UVSSA: variants seen among roughly 807,000 people sequenced by gnomAD.
UVSSA encodes UV-stimulated scaffold protein A.
UVSSA carries 72 observed loss-of-function variants against 73.9 expected under a neutral mutation model. The observed-to-expected ratio is 0.97, with a 90% CI of 0.81 to 1.19. The LOEUF is 1.19. UVSSA is among the 50% of genes most tolerant of loss of function. The pLI, the probability that UVSSA is intolerant of heterozygous loss-of-function variation, is 0.00. For missense variants in UVSSA, 1,150 were observed against 965.0 expected (o/e 1.19, Z -2.54); for synonymous variants, 454 against 391.3 (o/e 1.16, Z -1.89).
intron 10 of UVSSA, among the ~76,000 whole-genome samples, chr4:1,377,417 C>G (rs1718909369): frequency 6.6e-6 from 1 of 152,180 alleles, no homozygotes; most frequent in Non-Finnish European, 1.5e-5. Flanking sequence ...GACACCGCCC[C>G]TAGTGGGGGC....
rs368013808 is a variant in UVSSA at position 1,365,811 on chromosome 4, C to T, written c.1177-509C>T. On this transcript the variant is annotated intron_variant, in intron 7 of 13. Transcript: ENST00000389851. ...GTGGGAAGATAACTCACCTAAGCCC[C>T]GGGGGCACCGCAGACGCACCTGCTC... Among the ~76,000 whole-genome samples, 98 of 152,132 alleles carry T rather than the reference C, an allele frequency of 6.4e-4. 4 individuals are homozygous for T. In the South Asian group the frequency reaches 0.015, roughly 24 times the overall value.
upstream of UVSSA, among the ~76,000 whole-genome samples, chr4:1,346,808 CG>C (rs1358997998): frequency 1.3e-5 from 2 of 152,164 alleles, no homozygotes; most frequent in African/African-American, 4.8e-5. Flanking sequence ...GTTTCCCGGC[CG>C]GCCCCGCCCC....
At chr4:1,391,549 C>T (rs1210205069), downstream of UVSSA, 1 of 151,838 alleles carries the variant, frequency 6.6e-6, no homozygotes. Flanking sequence ...CCTTCTTTGT[C>T]TTTAGTGAAA....
Position 1,383,794 on chromosome 4 carries a change from C to A in UVSSA, c.1890C>A (p.Asp630Glu). 1 of 1,613,476 alleles carries A rather than the reference C, an allele frequency of 6.2e-7. No individual in the cohort carries two copies. Among genetic ancestry groups the A allele is most frequent in the South Asian group, 1.1e-5 (1 of 91,084 alleles). The change falls in exon 13 of 14, where the codon GAC becomes GAA. Residue 630 changes from aspartate (D) to glutamate (E), a missense_variant. Asp to Glu is a conservative substitution (Grantham distance 45). Transcript: ENST00000389851. ...PEWQDPELMR[D>E]VEAATGQDLG... ...GGCAGGACCCTGAGTTGATGAGAGA[C>A]GTGGAAGCAGCCACAGGGCAGGATC... is the stretch of plus-strand genomic sequence containing the variant.
intron 7 of UVSSA, among the ~76,000 whole-genome samples, chr4:1,363,294 AAGAAC>A (rs1716897364): frequency 1.3e-5 from 2 of 152,260 alleles, no homozygotes; most frequent in South Asian, 4.1e-4. Flanking sequence ...GCGCTGATTT[AAGAAC>A]AAAGGGGAAC....
chr4:1,355,294 G>A, intron 7 of UVSSA, 49 bp downstream of exon 7: 1 of 1,538,716 alleles, frequency 6.5e-7, no homozygotes, highest in Non-Finnish European at 8.8e-7. Context: ...GCCTCAGTGG[G>A]GGAGGAGAAG....
chr4:1,366,119 A>G, intron 7 of UVSSA: 1 of 488,742 alleles, frequency 2.0e-6, no homozygotes, highest in Non-Finnish European at 3.7e-6. Context: ...GCACAGGGGC[A>G]GTGCAGAGGT....
intron 12 of UVSSA, among the ~76,000 whole-genome samples, chr4:1,381,600 C>T (rs1360196942): frequency 1.3e-5 from 2 of 152,218 alleles, no homozygotes; most frequent in Admixed American, 1.3e-4. Context: ...ATCTGCCCAC[C>T]CTGCATATCT....
At chr4:1,375,634 TGTG>T in intron 9 of UVSSA, 126 bp downstream of exon 9, 1 of 1,429,510 alleles carries the variant, frequency 7.0e-7, no homozygotes, top group Non-Finnish European at 9.3e-7. Context: ...AAGCCTTGGG[TGTG>T]TACCCCCGGC....
chr4:1,354,563 A>G, intron 5 of UVSSA, 172 bp from the exon 6 acceptor site: 1 of 611,608 alleles, frequency 1.6e-6, no homozygotes, highest in South Asian at 1.9e-5. Flanking sequence ...TTTCTAAGAT[A>G]ATAAAACACT....
In UVSSA at chr4:1,379,380, C is replaced by T. The variant is rs532924816; in HGVS notation, c.1569-667C>T. Among the ~76,000 whole-genome samples the T allele has an allele frequency of 4.9e-4, 74 of 152,344 alleles. 1 individual carries two copies. Among genetic ancestry groups the T allele is most frequent in the African/African-American group, 1.5e-3 (61 of 41,590 alleles). Reference sequence around the variant, plus strand: ...GGGTGGAGTCCTCTGAGGCCGGCCTCCTCTTGGCCGGCACACCCAGCCCCC... The same window carrying T: ...GGGTGGAGTCCTCTGAGGCCGGCCTTCTCTTGGCCGGCACACCCAGCCCCC... On this transcript the variant is annotated intron_variant, in intron 10 of 13. Coordinates refer to ENST00000389851, the MANE Select transcript of UVSSA (RefSeq NM_020894.4).
chr4:1,356,377 C>G (rs574286100), intron 7 of UVSSA, among the ~76,000 whole-genome samples: 132 of 152,286 alleles, frequency 8.7e-4, no homozygotes, highest in Non-Finnish European at 1.6e-3. Flanking sequence ...GTGCAGCCCC[C>G]CCAGGGGCCA....
chr4:1,348,069 C>T (rs371973794), intron 1 of UVSSA, 21 bp from the exon 2 acceptor site: 53 of 1,577,714 alleles, frequency 3.4e-5, no homozygotes, highest in East Asian at 3.1e-4. Flanking sequence ...GATATAGCAT[C>T]TCTGCCTTAC....
intron 8 of UVSSA, chr4:1,374,838 G>C (rs1434768363): frequency 3.2e-5 from 5 of 154,234 alleles, no homozygotes; most frequent in Admixed American, 3.2e-4. Flanking sequence ...GTCAGCGTGA[G>C]ATGTGGGTTG....
Position 1,371,485 on chromosome 4 carries a change from G to C in UVSSA, c.1289-3879G>C, listed in dbSNP as rs73793386. On this transcript the variant is annotated intron_variant, in intron 8 of 13. Transcript: ENST00000389851. ...GTGTGTGTTGGAGAAGGGACTTCTT[G>C]CATAGTGTATTACTCCGTTTTCCTG... Among the ~76,000 whole-genome samples, 310 of 152,210 alleles carry C rather than the reference G, an allele frequency of 2.0e-3. 3 individuals are homozygous for C. Among genetic ancestry groups the C allele is most frequent in the African/African-American group, 7.1e-3 (296 of 41,514 alleles).
At position 1,379,954 on chromosome 4, in the gene UVSSA, T is replaced by A. The variant is rs1719267958; in HGVS notation, c.1569-93T>A. 2.1e-6 allele frequency: 3 copies of A among 1,421,904 alleles called. No individual in the cohort carries two copies. In the South Asian group the frequency reaches 4.1e-5, roughly 19 times the overall value. The allele number at this position is 1,421,904 out of a possible 1,614,324, so 88.1% of individuals were successfully genotyped here. On this transcript the variant is annotated intron_variant, in intron 10 of 13. Coordinates refer to ENST00000389851, the MANE Select transcript of UVSSA (RefSeq NM_020894.4). ...CAGTGTTGGGGTGGCTGGGCTGCAG[T>A]GGTGTTTGGCCTTCCCCTGTGCCTG... is the stretch of plus-strand genomic sequence containing the variant.
chr4:1,372,466 G>C lies in UVSSA; in HGVS notation c.1289-2898G>C, dbSNP rs75447380. Among the ~76,000 whole-genome samples the C allele has an allele frequency of 5.1e-3, 771 of 152,174 alleles. 9 individuals carry two copies. Among genetic ancestry groups the C allele is most frequent in the African/African-American group, 0.017 (694 of 41,492 alleles). ...GATGGTCACTCTTCATTGTAGAAAGGATTTACACACATATGTGTTTCTCAA... is the reference window on the plus strand; with the variant it reads ...GATGGTCACTCTTCATTGTAGAAAGCATTTACACACATATGTGTTTCTCAA... On this transcript the variant is annotated intron_variant, in intron 8 of 13. Transcript: ENST00000389851.
chr4:1,353,195 G>C lies in UVSSA; in HGVS notation c.716G>C (p.Arg239Pro), dbSNP rs140577099. ...TGCGCGGGCCAGGTGGGCCCCTGCC[G>C]GTCTGGCACCCCTGACCCCCGGGAC... is the stretch of plus-strand genomic sequence containing the variant. ...SSCAGQVGPC[R>P]SGTPDPRDGE... Residue 239 changes from arginine (R) to proline (P), a missense_variant, in exon 5 of 14, where the codon CGG becomes CCG. Physicochemically the swap from Arg to Pro is moderately radical, Grantham distance 103. Transcript: ENST00000389851. 6.2e-7 allele frequency: 1 copy of C among 1,612,742 alleles called. No individual in the cohort carries two copies. Among genetic ancestry groups the C allele is most frequent in the Non-Finnish European group, 8.5e-7 (1 of 1,179,970 alleles).
chr4:1,354,020 G>A (rs1257985483), intron 5 of UVSSA, among the ~76,000 whole-genome samples: 4 of 152,264 alleles, frequency 2.6e-5, no homozygotes, highest in East Asian at 1.9e-4. Flanking sequence ...GGCCCTTTGC[G>A]TATGTGTGTG....
Sources: gnomAD v4.1 joint callset for allele counts (sites outside exome capture counted in the v4.1 genomes callset) on GRCh38, gnomAD v4.1.1 for gene constraint, MANE v1.5 for transcripts, NCBI Gene and HGNC (gene_info 2026-07-23, HGNC 2026-07-21) for gene names.